CDH12: variants seen among roughly 807,000 people sequenced by gnomAD.
The protein encoded by CDH12 is cadherin 12.
A neutral mutation model predicts 74.1 loss-of-function variants in CDH12; 41 were observed. The observed-to-expected ratio is 0.55, with a 90% CI of 0.43 to 0.72. The LOEUF (loss-of-function observed/expected upper bound fraction) is 0.72, where lower values mean the gene tolerates loss of function less well. Among genes scored for constraint, CDH12 ranks in the 30% least tolerant of loss-of-function variants. The pLI is 0.00. For missense variants in CDH12, 945 were observed against 977.2 expected (o/e 0.97, Z 0.44); for synonymous variants, 399 against 355.0 (o/e 1.12, Z -1.39).
At chr5:21,987,923 A>G (rs556332538) in intron 5 of CDH12, among the ~76,000 whole-genome samples, 3 of 144,688 alleles carry the variant, frequency 2.1e-5, no homozygotes, top group East Asian at 1.9e-4. Flanking sequence ...TCAGAAAGGG[A>G]AAAAAAATCT....
chr5:22,166,860 A>G (rs553181354), intron 4 of CDH12, among the ~76,000 whole-genome samples: 5 of 152,108 alleles, frequency 3.3e-5, no homozygotes, highest in African/African-American at 1.2e-4. Flanking sequence ...ATATTATTTT[A>G]AAAAAAGCAA....
At chr5:22,032,707 C>CAAAAA (rs374314576) in intron 5 of CDH12, among the ~76,000 whole-genome samples, 1 of 127,836 alleles carries the variant, frequency 7.8e-6, no homozygotes, top group African/African-American at 2.8e-5. Context: ...GATTCCATCT[C>CAAAAA]AAAAAAAAAA....
At chr5:22,456,143 C>T (rs1478964065) in intron 2 of CDH12, among the ~76,000 whole-genome samples, 1 of 148,578 alleles carries the variant, frequency 6.7e-6, no homozygotes, top group Non-Finnish European at 1.5e-5. Context: ...ATAAAACGAT[C>T]TCAAAAAGAC....
intron 1 of CDH12, among the ~76,000 whole-genome samples, chr5:22,785,006 T>C (rs1561028924): frequency 2.0e-5 from 3 of 152,148 alleles, no homozygotes; most frequent in South Asian, 4.1e-4. Context: ...ATCCTTGGCA[T>C]AGTGAAGATA....
intron 4 of CDH12, among the ~76,000 whole-genome samples, chr5:22,115,867 T>G (rs1393445865): frequency 1.3e-5 from 2 of 151,966 alleles, no homozygotes; most frequent in African/African-American, 4.8e-5. Flanking sequence ...AATTTTTGTA[T>G]TTTTAGTGGA....
chr5:22,294,308 G>A (rs1054592071), intron 3 of CDH12, among the ~76,000 whole-genome samples: 8 of 152,104 alleles, frequency 5.3e-5, no homozygotes, highest in Admixed American at 5.2e-4. Context: ...GCTGAAGAAA[G>A]GGGATGATAA....
chr5:22,823,577 A>G (rs1329816015), intron 1 of CDH12, among the ~76,000 whole-genome samples: 1 of 152,068 alleles, frequency 6.6e-6, no homozygotes. Flanking sequence ...GCATGAAAAC[A>G]TACTAATACA....
intron 3 of CDH12, among the ~76,000 whole-genome samples, chr5:22,294,400 AC>A (rs1168760218): frequency 1.3e-5 from 2 of 151,918 alleles, no homozygotes; most frequent in Non-Finnish European, 1.5e-5. Flanking sequence ...CCAAACTGTT[AC>A]CCCCCAGACA....
At chr5:22,616,214 A>G (rs1378729824) in intron 1 of CDH12, among the ~76,000 whole-genome samples, 1 of 152,134 alleles carries the variant, frequency 6.6e-6, no homozygotes, top group East Asian at 1.9e-4. Flanking sequence ...TAAAGGAGAG[A>G]GAGAGAATTA....
chr5:22,095,016 C>T (rs1182419941), intron 4 of CDH12, among the ~76,000 whole-genome samples: 8 of 152,180 alleles, frequency 5.3e-5, no homozygotes, highest in Non-Finnish European at 1.0e-4. Flanking sequence ...AGCTTTATTG[C>T]TCACACAAAG....
At chr5:21,852,633 A>T (rs927364432) in intron 7 of CDH12, among the ~76,000 whole-genome samples, 1 of 151,390 alleles carries the variant, frequency 6.6e-6, no homozygotes, top group Non-Finnish European at 1.5e-5. Context: ...ACCAATATTA[A>T]ATTCTTAATG....
intron 4 of CDH12, among the ~76,000 whole-genome samples, chr5:22,130,559 A>T (rs562072406): frequency 1.3e-5 from 2 of 152,230 alleles, no homozygotes; most frequent in East Asian, 3.9e-4. Flanking sequence ...GCTGAATGTA[A>T]AAAGGGAATG....
chr5:22,034,035 T>G (rs949877288), intron 5 of CDH12, among the ~76,000 whole-genome samples: 7 of 151,778 alleles, frequency 4.6e-5, no homozygotes, highest in African/African-American at 1.7e-4. Context: ...TGGGGGAGGG[T>G]TTGTTTTTGG....
At chr5:22,548,537 C>CA (rs1388949842) in intron 1 of CDH12, among the ~76,000 whole-genome samples, 2 of 151,690 alleles carry the variant, frequency 1.3e-5, no homozygotes, top group Non-Finnish European at 2.9e-5. Context: ...TGAAAGTTCC[C>CA]AAAAAGAGGT....
At chr5:22,370,989 C>T (rs1561352006) in intron 3 of CDH12, among the ~76,000 whole-genome samples, 1 of 151,966 alleles carries the variant, frequency 6.6e-6, no homozygotes, top group South Asian at 2.1e-4. Context: ...TGTTTGGAAG[C>T]TATAGTAAAG....
intron 4 of CDH12, among the ~76,000 whole-genome samples, chr5:22,094,707 G>A (rs1040367474): frequency 1.3e-5 from 2 of 152,132 alleles, no homozygotes; most frequent in Non-Finnish European, 2.9e-5. Flanking sequence ...GGAACTGTCA[G>A]GCCTCTGAGC....
intron 2 of CDH12, among the ~76,000 whole-genome samples, chr5:22,463,359 C>T (rs187403984): frequency 1.7e-3 from 264 of 152,092 alleles, no homozygotes; most frequent in Middle Eastern, 0.017. Context: ...GCTAAGTATC[C>T]TGTAAATTTA....
At chr5:21,939,075 CAT>C (rs973532694) in intron 6 of CDH12, among the ~76,000 whole-genome samples, 2 of 151,516 alleles carry the variant, frequency 1.3e-5, no homozygotes, top group Non-Finnish European at 2.9e-5. Flanking sequence ...ACAACATACA[CAT>C]GTTATAGAAA....
At chr5:22,035,668 A>T (rs1739125743) in intron 5 of CDH12, among the ~76,000 whole-genome samples, 1 of 151,476 alleles carries the variant, frequency 6.6e-6, no homozygotes, top group Non-Finnish European at 1.5e-5. Flanking sequence ...AAGAAAAAAA[A>T]CTTTTATGAA....
Sources: gnomAD v4.1 joint callset for allele counts (sites outside exome capture counted in the v4.1 genomes callset) on GRCh38, gnomAD v4.1.1 for gene constraint, MANE v1.5 for transcripts, NCBI Gene and HGNC (gene_info 2026-07-23, HGNC 2026-07-21) for gene names.